Variants in LMO7 observed in about 807,000 individuals in gnomAD.
LMO7 encodes LIM domain 7.
In LMO7, 120 loss-of-function variants were observed where a neutral mutation model predicts 206.5. The observed-to-expected ratio is 0.58, with a 90% CI of 0.50 to 0.68. The LOEUF (loss-of-function observed/expected upper bound fraction) is 0.68. Among genes scored for constraint, LMO7 ranks in the 30% least tolerant of loss-of-function variants. The pLI is 0.00. For synonymous variants in LMO7, 706 were observed against 681.5 expected (o/e 1.04, Z -0.56); for missense variants, 1,959 against 1,957.9 (o/e 1.00, Z -0.01).
chr13:75,823,597 T>C lies in LMO7; in HGVS notation c.2673T>C (p.Val891=). Residue 891 remains valine, a synonymous_variant, in exon 15 of 31, where the codon GTT becomes GTC. Coordinates refer to ENST00000377534, the MANE Select transcript of LMO7 (RefSeq NM_001306080.2). ...MDDAWKYNGD[V]EDIKRTPNNV... ...ATGCTTGGAAGTATAATGGAGATGT[T>C]GAAGACATTAAGAGAACTCCAAACA... The C allele has an allele frequency of 6.2e-7, 1 of 1,613,906 alleles. No homozygotes were observed. Among genetic ancestry groups the C allele is most frequent in the Non-Finnish European group, 8.5e-7 (1 of 1,179,792 alleles).
intron 4 of LMO7, among the ~76,000 whole-genome samples, chr13:75,767,668 T>A (rs2049077337): frequency 6.6e-6 from 1 of 152,068 alleles, no homozygotes; most frequent in Non-Finnish European, 1.5e-5. Context: ...CTTCACAGTT[T>A]ATTTGAGATG....
chr13:75,771,649 A>G (rs1465458184), intron 4 of LMO7, among the ~76,000 whole-genome samples: 1 of 68,500 alleles, frequency 1.5e-5, no homozygotes, highest in Non-Finnish European at 3.2e-5. Context: ...ATTTTACTTA[A>G]TCTTGTTAAA....
chr13:75,793,592 A>G (rs537417376), intron 4 of LMO7, among the ~76,000 whole-genome samples: 1 of 152,300 alleles, frequency 6.6e-6, no homozygotes, highest in African/African-American at 2.4e-5. Context: ...GTGGATTTTT[A>G]TAAGATAATT....
intron 3 of LMO7, among the ~76,000 whole-genome samples, chr13:75,731,177 G>C (rs930686323): frequency 8.5e-5 from 13 of 152,050 alleles, no homozygotes; most frequent in African/African-American, 2.9e-4. Context: ...CAATTCCTGG[G>C]TATCCTTGTT....
intron 1 of LMO7, among the ~76,000 whole-genome samples, chr13:75,658,581 CTTATTT>C (rs201006916): frequency 9.9e-5 from 15 of 151,812 alleles, no homozygotes; most frequent in Non-Finnish European, 1.9e-4. Context: ...TCAACTATAT[CTTATTT>C]TTATTTTTAT....
At position 75,778,549 on chromosome 13, in the gene LMO7, C is replaced by G. The variant is rs963403742; in HGVS notation, c.318-16852C>G. ...GCCCGGCCAATCGAGTGCCTTTTAA[C>G]AATGCGCCCTTAAGCAGATGTAAGC... On this transcript the variant is annotated intron_variant, in intron 4 of 30. Transcript: ENST00000377534. Among the ~76,000 whole-genome samples the G allele has an allele frequency of 2.0e-5, 3 of 152,340 alleles. No individual in the cohort carries two copies. In the South Asian group the frequency reaches 6.2e-4, roughly 32 times the overall value.
chr13:75,764,114 A>G (rs952274118), intron 4 of LMO7, among the ~76,000 whole-genome samples: 2 of 152,118 alleles, frequency 1.3e-5, no homozygotes, highest in African/African-American at 4.8e-5. Flanking sequence ...GACTACATGT[A>G]TTCAAGCATC....
At chr13:75,788,965 A>T (rs926660151) in intron 4 of LMO7, 1 of 151,994 alleles carries the variant, frequency 6.6e-6, no homozygotes, top group Non-Finnish European at 1.5e-5. Context: ...AGCAAGGCGG[A>T]TACTTATTCT....
intron 1 of LMO7, among the ~76,000 whole-genome samples, chr13:75,701,977 G>T (rs9318367): frequency 0.077 from 11,711 of 152,074 alleles, 992 homozygotes; most frequent in African/African-American, 0.21. Context: ...TCTTCCAGTT[G>T]TATTTCATTT....
At chr13:75,769,577 C>T (rs1007404511) in intron 4 of LMO7, among the ~76,000 whole-genome samples, 6 of 152,148 alleles carry the variant, frequency 3.9e-5, no homozygotes, top group African/African-American at 1.4e-4. Context: ...AATAAAATCT[C>T]ATTAGATTAA....
chr13:75,839,074 C>G (rs908649874), intron 20 of LMO7, among the ~76,000 whole-genome samples: 14 of 152,256 alleles, frequency 9.2e-5, no homozygotes, highest in Admixed American at 7.8e-4. Flanking sequence ...TAATATCATT[C>G]CTTTGGATTA....
chr13:75,715,526 T>C (rs1372496165), intron 2 of LMO7, among the ~76,000 whole-genome samples: 1 of 152,208 alleles, frequency 6.6e-6, no homozygotes, highest in African/African-American at 2.4e-5. Context: ...TTCTTTAAAT[T>C]AATGTTTCCC....
chr13:75,709,487 A>T (rs1427328394), intron 1 of LMO7, among the ~76,000 whole-genome samples: 1 of 151,900 alleles, frequency 6.6e-6, no homozygotes, highest in African/African-American at 2.4e-5. Flanking sequence ...AATGATTGCC[A>T]TTCTAACTGG....
At chr13:75,725,566 A>G (rs2138545367) in intron 2 of LMO7, among the ~76,000 whole-genome samples, 1 of 152,184 alleles carries the variant, frequency 6.6e-6, no homozygotes, top group Admixed American at 6.6e-5. Flanking sequence ...ATTAATTTGC[A>G]ATTGTTATTT....
intron 2 of LMO7, among the ~76,000 whole-genome samples, chr13:75,722,520 C>A (rs2044108456): frequency 6.6e-6 from 1 of 151,898 alleles, no homozygotes; most frequent in Non-Finnish European, 1.5e-5. Flanking sequence ...GCAAGAGTGA[C>A]CATAATCAAA....
chr13:75,712,005 C>T (rs937746796), intron 1 of LMO7, among the ~76,000 whole-genome samples: 1 of 152,116 alleles, frequency 6.6e-6, no homozygotes. Flanking sequence ...ATGTATAGAC[C>T]AACCTCTGAG....
chr13:75,759,443 T>A (rs1427090585), intron 3 of LMO7, among the ~76,000 whole-genome samples: 1 of 152,232 alleles, frequency 6.6e-6, no homozygotes, highest in African/African-American at 2.4e-5. Flanking sequence ...TATCACATTT[T>A]GCTCCTCTTG....
intron 1 of LMO7, among the ~76,000 whole-genome samples, chr13:75,695,739 GAA>G (rs1388954536): frequency 1.3e-5 from 2 of 152,188 alleles, no homozygotes; most frequent in Admixed American, 6.5e-5. Context: ...ATTTTGCCAT[GAA>G]AAGTCTCAAT....
intron 15 of LMO7, among the ~76,000 whole-genome samples, chr13:75,831,982 A>C (rs559539479): frequency 6.6e-6 from 1 of 152,282 alleles, no homozygotes; most frequent in East Asian, 1.9e-4. Flanking sequence ...GAAGTGCCCA[A>C]TTAGTTCCTG....
Sources: allele counts gnomAD v4.1 joint callset (sites outside exome capture counted in the v4.1 genomes callset), GRCh38; gene constraint gnomAD v4.1.1; transcripts MANE v1.5; gene names NCBI Gene and HGNC (gene_info 2026-07-23, HGNC 2026-07-21).